Variants in VTI1B observed in about 807,000 individuals in gnomAD.
The protein encoded by VTI1B is vesicle transport through interaction with t-SNAREs 1B.
VTI1B carries 18 observed loss-of-function variants against 28.6 expected under a neutral mutation model. That is an observed-to-expected ratio of 0.63 (90% confidence interval 0.43 to 0.93). VTI1B has a LOEUF of 0.93. Among genes scored for constraint, VTI1B ranks in the 40% least tolerant of loss-of-function variants. The pLI, the probability that VTI1B is intolerant of heterozygous loss-of-function variation, is 0.00. For missense variants in VTI1B, 283 were observed against 297.0 expected, an observed-to-expected ratio of 0.95 and a Z score of 0.35; for synonymous variants, 100 against 107.9, an observed-to-expected ratio of 0.93 and a Z score of 0.46.
chr14:67,656,412 T>G lies in VTI1B; in HGVS notation c.540+4A>C, dbSNP rs1317541921. ...TGCCCCTTTCCCTGTCTGCCCAGAC[T>G]TACTCTACTCTTGGTACGTTCTAAC... On this transcript the variant is annotated splice_donor_region_variant and intron_variant, in intron 4 of 5. Transcript: ENST00000554659. The G allele has an allele frequency of 1.2e-6, 2 of 1,601,184 alleles. No individual in the cohort carries two copies. Among genetic ancestry groups the G allele is most frequent in the Middle Eastern group, 1.8e-4 (1 of 5,578 alleles).
In VTI1B at chr14:67,650,920, G is replaced by A. The variant is rs780811499; in HGVS notation, c.*465C>T. ...AAAATCAAGCACGTGTGAGAATTTA[G>A]GAGACACTGTGCACTGACATGTTTC... On this transcript the variant is annotated 3_prime_UTR_variant, in exon 6 of 6. Transcript: ENST00000554659. 15 of 1,613,608 alleles carry A rather than the reference G, an allele frequency of 9.3e-6. No individual in the cohort carries two copies. Among genetic ancestry groups the A allele is most frequent in the South Asian group, 2.2e-5 (2 of 91,076 alleles).
intron 5 of VTI1B, chr14:67,652,223 T>C (rs1466673867): frequency 6.6e-6 from 1 of 152,296 alleles, no homozygotes; most frequent in African/African-American, 2.4e-5. Context: ...TTTTGTTTTT[T>C]ATTTTTGGTA....
intron 5 of VTI1B, 67 bp from the exon 6 acceptor site, chr14:67,651,548 G>A (rs1447720457): frequency 2.6e-6 from 4 of 1,564,730 alleles, no homozygotes; most frequent in Non-Finnish European, 2.6e-6. Flanking sequence ...ACATTTTGGG[G>A]TTAGACCTGG....
chr14:67,663,789 G>C (rs2140833887), intron 1 of VTI1B, among the ~76,000 whole-genome samples: 2 of 152,308 alleles, frequency 1.3e-5, no homozygotes, highest in Middle Eastern at 6.8e-3. Context: ...TTGTATGGGG[G>C]AAAGGCATAC....
intron 1 of VTI1B, among the ~76,000 whole-genome samples, chr14:67,674,030 T>TA (rs1388113867): frequency 6.6e-6 from 1 of 152,246 alleles, no homozygotes; most frequent in East Asian, 1.9e-4. Flanking sequence ...GTCTTGAGAC[T>TA]AGTGCTTTTA....
In VTI1B at chr14:67,647,765, G is replaced by A. The variant is rs2037119371; in HGVS notation, c.*3620C>T. The A allele has an allele frequency of 8.2e-6, 3 of 365,398 alleles. No individual in the cohort carries two copies. The highest frequency in any genetic ancestry group is 8.5e-5 in the Admixed American group (2 of 23,412). 22.6% of individuals were successfully genotyped at this position (365,398 alleles called of 1,614,324 possible). A position where few individuals can be genotyped will look rare whatever the true frequency, so the allele number is the denominator to read the frequency against. ...CTATTGACAGTTATTAGTATAAGAG[G>A]TTCTAATACCCAGTGTAAGGCAGAA... On this transcript the variant is annotated 3_prime_UTR_variant, in exon 6 of 6. Transcript: ENST00000554659.
intron 1 of VTI1B, among the ~76,000 whole-genome samples, chr14:67,669,270 ATTTTT>A (rs33972864): frequency 7.1e-6 from 1 of 139,982 alleles, no homozygotes; most frequent in Non-Finnish European, 1.5e-5. Flanking sequence ...CTTCTTCATA[ATTTTT>A]TTTTTTTTTT....
intron 2 of VTI1B, among the ~76,000 whole-genome samples, chr14:67,661,269 G>A (rs1440875228): frequency 1.4e-5 from 2 of 139,426 alleles, no homozygotes; most frequent in African/African-American, 2.7e-5. Flanking sequence ...TGCTTCTATA[G>A]GGCTAGAGCA....
In VTI1B at chr14:67,656,515, T is replaced by G; in HGVS notation, c.441A>C (p.Glu147Asp). Residue 147 changes from glutamate (E) to aspartate (D), a missense_variant, in exon 4 of 6, where the codon GAA (glutamate) becomes GAC (aspartate). Transcript: ENST00000554659. Reference sequence around the variant, plus strand: ...TCTCTGTGGCAATCCGATGAGAACGTTCAATACTTTGGGTGGCCCGGTTCA... The same window carrying G: ...TCTCTGTGGCAATCCGATGAGAACGGTCAATACTTTGGGTGGCCCGGTTCA... Reference protein sequence around the residue: ...ESLNRATQSIERSHRIATETD... With the variant: ...ESLNRATQSIDRSHRIATETD... 6.2e-7 allele frequency: 1 copy of G among 1,613,986 alleles called. No homozygotes were observed. Among genetic ancestry groups the G allele is most frequent in the Admixed American group, 1.7e-5 (1 of 60,026 alleles).
chr14:67,662,190 A>C (rs113142368), intron 2 of VTI1B, among the ~76,000 whole-genome samples: 3,972 of 151,714 alleles, frequency 0.026, 188 homozygotes, highest in African/African-American at 0.092. Context: ...AAAAAAAAAA[A>C]CAACAGATTT....
At chr14:67,657,671 T>C (rs936636458) in intron 3 of VTI1B, among the ~76,000 whole-genome samples, 10 of 151,228 alleles carry the variant, frequency 6.6e-5, no homozygotes, top group Non-Finnish European at 1.3e-4. Context: ...ACAGAGCAAG[T>C]GACCACTGGC....
At chr14:67,651,875 A>G (rs1330000064) in intron 5 of VTI1B, among the ~76,000 whole-genome samples, 2 of 152,168 alleles carry the variant, frequency 1.3e-5, no homozygotes, top group Non-Finnish European at 2.9e-5. Context: ...TCCCTTGTAA[A>G]CTTCTTCCCT....
chr14:67,648,085 C>T lies in VTI1B; in HGVS notation c.*3300G>A, dbSNP rs987766282. Reference sequence around the variant, plus strand: ...ATCCATTTGAGTTTTGATATTGATGCATTTGACCCTACACTGGCTCCAGCC... The same window carrying T: ...ATCCATTTGAGTTTTGATATTGATGTATTTGACCCTACACTGGCTCCAGCC... On this transcript the variant is annotated 3_prime_UTR_variant, in exon 6 of 6. Transcript: ENST00000554659. The T allele has an allele frequency of 2.5e-6, 4 of 1,613,714 alleles. No homozygotes were observed. The highest frequency in any genetic ancestry group is 2.5e-6 in the Non-Finnish European group (3 of 1,179,746).
chr14:67,650,722 A>G lies in VTI1B; in HGVS notation c.*663T>C, dbSNP rs189159556. 3.1e-6 allele frequency: 5 copies of G among 1,613,836 alleles called. No homozygotes were observed. Among genetic ancestry groups the G allele is most frequent in the South Asian group, 1.1e-5 (1 of 91,066 alleles). On this transcript the variant is annotated 3_prime_UTR_variant, in exon 6 of 6. Transcript: ENST00000554659. ...CACACTTTGTTCTTCCAGGGTTGCT[A>G]TCAGCACTGGATCTTGTTGAAGTCA...
chr14:67,648,145 G>A lies in VTI1B; in HGVS notation c.*3240C>T, dbSNP rs371149374. Reference sequence around the variant, plus strand: ...CCTGTTGTCGGGGGACTAACCTATCGAGAAGGCATGTATATTGCTGAGGAA... The same window carrying A: ...CCTGTTGTCGGGGGACTAACCTATCAAGAAGGCATGTATATTGCTGAGGAA... On this transcript the variant is annotated 3_prime_UTR_variant, in exon 6 of 6. Transcript: ENST00000554659. 6.2e-7 allele frequency: 1 copy of A among 1,613,874 alleles called. No homozygotes were observed. The highest frequency in any genetic ancestry group is 1.3e-5 in the African/African-American group (1 of 74,918).
At chr14:67,660,155 TG>T in intron 2 of VTI1B, 1 of 401,958 alleles carries the variant, frequency 2.5e-6, no homozygotes. Context: ...AATGAATGAA[TG>T]GAAAAACAGA....
chr14:67,662,842 G>T (rs1181779207), intron 1 of VTI1B, among the ~76,000 whole-genome samples: 1 of 147,248 alleles, frequency 6.8e-6, no homozygotes. Flanking sequence ...GGTGGAAGTG[G>T]CAATGAGCCG....
intron 1 of VTI1B, among the ~76,000 whole-genome samples, chr14:67,671,565 A>T (rs1168124628): frequency 1.3e-5 from 2 of 152,190 alleles, no homozygotes; most frequent in Admixed American, 6.5e-5. Flanking sequence ...AAAGAAATTC[A>T]CATATTTCTG....
chr14:67,647,775 C>T lies in VTI1B; in HGVS notation c.*3610G>A. 2.6e-6 allele frequency: 1 copy of T among 391,688 alleles called. No individual in the cohort carries two copies. The highest frequency in any genetic ancestry group is 4.6e-6 in the Non-Finnish European group (1 of 216,246). 24.3% of individuals were successfully genotyped at this position (391,688 alleles called of 1,614,324 possible). On this transcript the variant is annotated 3_prime_UTR_variant, in exon 6 of 6. Coordinates refer to ENST00000554659, the MANE Select transcript of VTI1B (RefSeq NM_006370.3). ...TTATTAGTATAAGAGGTTCTAATAC[C>T]CAGTGTAAGGCAGAAATATACATTG... is the stretch of plus-strand genomic sequence containing the variant.
Sources: allele counts gnomAD v4.1 joint callset (sites outside exome capture counted in the v4.1 genomes callset), GRCh38; gene constraint gnomAD v4.1.1; transcripts MANE v1.5; gene names NCBI Gene and HGNC (gene_info 2026-07-23, HGNC 2026-07-21).